Variants in TRAPPC6B observed in about 807,000 individuals in gnomAD.
The protein encoded by TRAPPC6B is trafficking protein particle complex subunit 6B.
A neutral mutation model predicts 24.7 loss-of-function variants in TRAPPC6B; 27 were observed. That is an observed-to-expected ratio of 1.09 (90% confidence interval 0.81 to 1.51). TRAPPC6B has a LOEUF of 1.51. Among genes scored for constraint, TRAPPC6B ranks in the 40% most tolerant of loss-of-function variants. TRAPPC6B has a pLI of 0.00. For missense variants in TRAPPC6B, 212 were observed against 190.8 expected (o/e 1.11, Z -0.66); for synonymous variants, 80 against 66.6 (o/e 1.20, Z -0.98).
At position 39,148,507 on chromosome 14, in the gene TRAPPC6B, G is replaced by A. The variant is rs28379470; in HGVS notation, c.*1843C>T. ...GGAAGGGAGAACGAAATGGCTGATG[G>A]GTAGGCATATGAATGTCTAACAAAC... On this transcript the variant is annotated 3_prime_UTR_variant, in exon 6 of 6. Coordinates refer to ENST00000330149, the MANE Select transcript of TRAPPC6B (RefSeq NM_001079537.2). 0.23 allele frequency: 92,385 copies of A among 395,236 alleles called. 12,105 individuals are homozygous for A. The highest frequency in any genetic ancestry group is 0.39 in the Middle Eastern group (604 of 1,562). 24.5% of individuals were successfully genotyped at this position (395,236 alleles called of 1,614,324 possible). A position where few individuals can be genotyped will look rare whatever the true frequency, so the allele number is the denominator to read the frequency against.
chr14:39,160,151 T>C (rs535476109), intron 1 of TRAPPC6B, among the ~76,000 whole-genome samples: 5 of 150,864 alleles, frequency 3.3e-5, no homozygotes, highest in African/African-American at 4.8e-5. Context: ...TTAAAACCAC[T>C]TGGAAGGCCA....
intron 1 of TRAPPC6B, among the ~76,000 whole-genome samples, chr14:39,164,671 T>TA (rs2053090203): frequency 2.0e-5 from 3 of 151,864 alleles, no homozygotes; most frequent in Non-Finnish European, 4.4e-5. Context: ...ACCTCATCTT[T>TA]AAAAAAATTA....
At chr14:39,152,515 A>G (rs928596316) in intron 4 of TRAPPC6B, among the ~76,000 whole-genome samples, 1 of 152,202 alleles carries the variant, frequency 6.6e-6, no homozygotes, top group Non-Finnish European at 1.5e-5. Flanking sequence ...ACCCACATCT[A>G]TACTGCATGA....
intron 1 of TRAPPC6B, among the ~76,000 whole-genome samples, chr14:39,168,352 G>T (rs933623171): frequency 1.3e-5 from 2 of 152,114 alleles, no homozygotes; most frequent in African/African-American, 4.8e-5. Flanking sequence ...AACTGTTCTA[G>T]AGGGAAAAGG....
chr14:39,166,478 C>T (rs956676210), intron 1 of TRAPPC6B, among the ~76,000 whole-genome samples: 1 of 152,178 alleles, frequency 6.6e-6, no homozygotes, highest in Non-Finnish European at 1.5e-5. Flanking sequence ...CCAAGCTGCC[C>T]TTGGTCATTT....
chr14:39,166,563 C>T (rs2053110926), intron 1 of TRAPPC6B, among the ~76,000 whole-genome samples: 1 of 152,128 alleles, frequency 6.6e-6, no homozygotes, highest in Non-Finnish European at 1.5e-5. Flanking sequence ...GATAATAGCC[C>T]TTCCCGAAAC....
At chr14:39,152,445 A>C (rs1449387603) in intron 4 of TRAPPC6B, among the ~76,000 whole-genome samples, 13 of 152,324 alleles carry the variant, frequency 8.5e-5, no homozygotes, top group Middle Eastern at 6.8e-3. Flanking sequence ...CTGAGCTACA[A>C]AACCAAAAGT....
At chr14:39,150,821 G>A (rs1177319834) in intron 5 of TRAPPC6B, among the ~76,000 whole-genome samples, 3 of 152,164 alleles carry the variant, frequency 2.0e-5, no homozygotes, top group Admixed American at 6.6e-5. Flanking sequence ...ACAGGTGTGA[G>A]GCACCACACC....
intron 3 of TRAPPC6B, among the ~76,000 whole-genome samples, chr14:39,155,770 C>G (rs1031758807): frequency 5.9e-5 from 9 of 152,128 alleles, no homozygotes; most frequent in African/African-American, 2.2e-4. Context: ...CTCCTGACCT[C>G]AGGTGATCTG....
chr14:39,150,544 TTTC>T (rs2052899298), intron 5 of TRAPPC6B, among the ~76,000 whole-genome samples, 163 bp from the exon 6 acceptor site: 1 of 152,190 alleles, frequency 6.6e-6, no homozygotes, highest in African/African-American at 2.4e-5. Context: ...AATTCTATTT[TTTC>T]TTTTTTTTTG....
intron 2 of TRAPPC6B, 52 bp from the exon 3 acceptor site, chr14:39,158,454 G>C (rs2053013594): frequency 2.9e-6 from 3 of 1,036,708 alleles, no homozygotes; most frequent in Non-Finnish European, 1.4e-6. Context: ...AAAAAAGCAA[G>C]AGGGACTAAT....
At chr14:39,165,353 T>A (rs2053097835) in intron 1 of TRAPPC6B, among the ~76,000 whole-genome samples, 1 of 152,172 alleles carries the variant, frequency 6.6e-6, no homozygotes, top group Non-Finnish European at 1.5e-5. Context: ...ATTCACATTC[T>A]TTAAATTCTG....
chr14:39,157,567 C>T, intron 3 of TRAPPC6B: 1 of 387,926 alleles, frequency 2.6e-6, no homozygotes, highest in South Asian at 2.0e-5. Flanking sequence ...GGCTGTCTTC[C>T]TGCCTGCCTT....
At chr14:39,152,371 G>C (rs1055643208) in intron 4 of TRAPPC6B, among the ~76,000 whole-genome samples, 3 of 152,146 alleles carry the variant, frequency 2.0e-5, no homozygotes, top group Admixed American at 1.3e-4. Context: ...TTATCTGGTT[G>C]AAAGTATCAA....
intron 1 of TRAPPC6B, among the ~76,000 whole-genome samples, chr14:39,168,052 A>G (rs2053125661): frequency 6.6e-6 from 1 of 152,064 alleles, no homozygotes; most frequent in South Asian, 2.1e-4. Flanking sequence ...CGTCTCTACT[A>G]AAAATACAAA....
chr14:39,160,477 G>A (rs1472014074), intron 1 of TRAPPC6B, among the ~76,000 whole-genome samples: 2 of 151,922 alleles, frequency 1.3e-5, no homozygotes, highest in East Asian at 1.9e-4. Context: ...TGATGCAGGT[G>A]GATTGCTTGA....
chr14:39,154,044 C>T (rs1371177470), intron 4 of TRAPPC6B, among the ~76,000 whole-genome samples, 167 bp downstream of exon 4: 1 of 152,160 alleles, frequency 6.6e-6, no homozygotes, highest in African/African-American at 2.4e-5. Flanking sequence ...TATTTAGCTA[C>T]AGTTTAGTGT....
At chr14:39,161,112 T>C (rs561141935) in intron 1 of TRAPPC6B, among the ~76,000 whole-genome samples, 3 of 152,142 alleles carry the variant, frequency 2.0e-5, no homozygotes, top group Admixed American at 2.0e-4. Flanking sequence ...ATGCACATAA[T>C]GTACTCCATG....
intron 2 of TRAPPC6B, 107 bp downstream of exon 2, chr14:39,159,376 T>A (rs1410074403): frequency 1.4e-6 from 1 of 692,394 alleles, no homozygotes; most frequent in East Asian, 3.1e-5. Flanking sequence ...GAGAATAACA[T>A]TCAGGAATTA....
Sources: gnomAD v4.1 joint callset for allele counts (sites outside exome capture counted in the v4.1 genomes callset) on GRCh38, gnomAD v4.1.1 for gene constraint, MANE v1.5 for transcripts, NCBI Gene and HGNC (gene_info 2026-07-23, HGNC 2026-07-21) for gene names.